The following ROBO2 variants were observed in gnomAD, a reference collection of about 807,000 sequenced individuals.
ROBO2 encodes roundabout guidance receptor 2.
ROBO2 carries 53 observed loss-of-function variants against 160.8 expected under a neutral mutation model. That is an observed-to-expected ratio of 0.33 (90% confidence interval 0.26 to 0.41). The LOEUF (loss-of-function observed/expected upper bound fraction) is 0.41. Among genes scored for constraint, ROBO2 ranks in the 10% least tolerant of loss-of-function variants. ROBO2 has a pLI of 1.00. For missense variants in ROBO2, 1,577 were observed against 1,722.4 expected, an observed-to-expected ratio of 0.92 and a Z score of 1.49; for synonymous variants, 664 against 611.7, an observed-to-expected ratio of 1.09 and a Z score of -1.26.
intron 2 of ROBO2, among the ~76,000 whole-genome samples, chr3:77,290,043 G>A (rs1483412059): frequency 1.3e-5 from 2 of 150,988 alleles, no homozygotes; most frequent in Non-Finnish European, 3.0e-5. Context: ...CGATTAAATG[G>A]GTAAGCTGAG....
At chr3:76,012,322 G>A (rs939170696) in intron 2 of ROBO2, among the ~76,000 whole-genome samples, 2 of 152,014 alleles carry the variant, frequency 1.3e-5, no homozygotes, top group East Asian at 1.9e-4. Flanking sequence ...GATATTTAAA[G>A]GAAAACTGTA....
intron 2 of ROBO2, among the ~76,000 whole-genome samples, chr3:77,023,794 C>T (rs895983687): frequency 3.3e-5 from 5 of 152,146 alleles, no homozygotes; most frequent in Non-Finnish European, 5.9e-5. Flanking sequence ...GTCCAGGCCT[C>T]TCATTTTAAT....
chr3:76,169,411 C>A (rs1320676916), intron 2 of ROBO2, among the ~76,000 whole-genome samples: 1 of 152,116 alleles, frequency 6.6e-6, no homozygotes, highest in African/African-American at 2.4e-5. Context: ...ATGCGTGGGG[C>A]TTTAAGCAAC....
intron 2 of ROBO2, among the ~76,000 whole-genome samples, chr3:76,736,870 A>T (rs1269268392): frequency 6.6e-6 from 1 of 152,186 alleles, no homozygotes; most frequent in Admixed American, 6.5e-5. Context: ...ACTGCTTAAC[A>T]AAAGTACCTT....
At chr3:76,292,138 A>G (rs972800957) in intron 2 of ROBO2, among the ~76,000 whole-genome samples, 3 of 152,066 alleles carry the variant, frequency 2.0e-5, no homozygotes, top group African/African-American at 4.8e-5. Context: ...TTGTGTGGCT[A>G]TCTAAGTTTC....
At chr3:77,596,876 A>T in intron 19 of ROBO2, 126 bp downstream of exon 20, 1 of 1,066,312 alleles carries the variant, frequency 9.4e-7, no homozygotes, top group Admixed American at 2.1e-5. Flanking sequence ...AATCAATGAA[A>T]CATATGCACT....
chr3:76,954,894 T>G (rs931553906), intron 2 of ROBO2, among the ~76,000 whole-genome samples: 1 of 152,214 alleles, frequency 6.6e-6, no homozygotes, highest in Non-Finnish European at 1.5e-5. Flanking sequence ...TTTCAATCAT[T>G]TTAAGTGTAC....
chr3:76,186,414 T>A (rs921035817), intron 2 of ROBO2, among the ~76,000 whole-genome samples: 7 of 152,128 alleles, frequency 4.6e-5, no homozygotes, highest in Non-Finnish European at 8.8e-5. Flanking sequence ...GTTCTCGTAC[T>A]TGGTTGTTAA....
chr3:77,243,340 T>C (rs1218131456), intron 2 of ROBO2, among the ~76,000 whole-genome samples: 1 of 152,218 alleles, frequency 6.6e-6, no homozygotes, highest in Non-Finnish European at 1.5e-5. Context: ...TCATGACTGC[T>C]AACTGTAGTC....
intron 2 of ROBO2, among the ~76,000 whole-genome samples, chr3:76,575,686 C>G (rs995465259): frequency 6.6e-6 from 1 of 151,986 alleles, no homozygotes; most frequent in Admixed American, 6.6e-5. Flanking sequence ...AGAAATATTT[C>G]TTTTCTGTTC....
intron 2 of ROBO2, among the ~76,000 whole-genome samples, chr3:77,433,570 G>A (rs1386723790): frequency 6.8e-6 from 1 of 146,352 alleles, no homozygotes; most frequent in African/African-American, 2.5e-5. Flanking sequence ...ACTTACTTGT[G>A]AGTTCTCTTA....
chr3:77,597,067 G>A (rs2094322228), intron 19 of ROBO2, among the ~76,000 whole-genome samples: 1 of 151,796 alleles, frequency 6.6e-6, no homozygotes, highest in Non-Finnish European at 1.5e-5. Context: ...GTTAACTAGG[G>A]CTTATGGTTT....
At chr3:75,990,194 AT>A (rs2065527642) in intron 2 of ROBO2, among the ~76,000 whole-genome samples, 1 of 152,206 alleles carries the variant, frequency 6.6e-6, no homozygotes, top group African/African-American at 2.4e-5. Flanking sequence ...TATAATTAAA[AT>A]CCTTTTAAAA....
At chr3:77,037,960 G>A (rs376296301), upstream of ROBO2, among the ~76,000 whole-genome samples, 1 of 152,200 alleles carries the variant, frequency 6.6e-6, no homozygotes, top group Admixed American at 6.5e-5. Context: ...AGCTGGTGGT[G>A]TGTATTATTT....
chr3:76,885,632 A>G (rs1266720996), intron 2 of ROBO2, among the ~76,000 whole-genome samples: 1 of 152,190 alleles, frequency 6.6e-6, no homozygotes, highest in African/African-American at 2.4e-5. Flanking sequence ...ATCTCAAATT[A>G]GAAGATGAAT....
At chr3:76,929,915 A>T (rs1289781400) in intron 2 of ROBO2, among the ~76,000 whole-genome samples, 1 of 152,098 alleles carries the variant, frequency 6.6e-6, no homozygotes, top group Non-Finnish European at 1.5e-5. Flanking sequence ...TACCTTTCTG[A>T]CTTTATCTTT....
intron 2 of ROBO2, among the ~76,000 whole-genome samples, chr3:76,635,109 C>A (rs2090256549): frequency 1.3e-5 from 2 of 152,174 alleles, no homozygotes; most frequent in Non-Finnish European, 2.9e-5. Context: ...GCTGCTATTA[C>A]AAATACTAAT....
At chr3:76,716,793 G>T (rs1474191770) in intron 2 of ROBO2, among the ~76,000 whole-genome samples, 1 of 152,044 alleles carries the variant, frequency 6.6e-6, no homozygotes, top group Non-Finnish European at 1.5e-5. Flanking sequence ...CTGCCTGTAG[G>T]GTATCTTTGA....
chr3:76,412,586 AG>A (rs941802904), intron 2 of ROBO2, among the ~76,000 whole-genome samples: 16 of 152,314 alleles, frequency 1.1e-4, no homozygotes, highest in African/African-American at 3.8e-4. Context: ...GCCCAAACAA[AG>A]GGGCTACAAG....
Sources: gnomAD v4.1 joint callset for allele counts (sites outside exome capture counted in the v4.1 genomes callset) on GRCh38, gnomAD v4.1.1 for gene constraint, MANE v1.5 for transcripts, NCBI Gene and HGNC (gene_info 2026-07-23, HGNC 2026-07-21) for gene names.